The following OPRM1 variants were observed in gnomAD, a reference collection of about 807,000 sequenced individuals.
The protein encoded by OPRM1 is opioid receptor mu 1, also known as mu-type opioid receptor.
Under a neutral mutation model 31.8 loss-of-function variants are expected in OPRM1, and 27 were observed. The observed-to-expected ratio is 0.85, with a 90% CI of 0.63 to 1.17. OPRM1 has a LOEUF of 1.17. Among genes scored for constraint, OPRM1 ranks in the 50% most tolerant of loss-of-function variants. The probability of loss-of-function intolerance (pLI) is 0.00; values close to 1 mark genes in which losing one functional copy is unlikely to be tolerated. For synonymous variants in OPRM1, 196 were observed against 189.9 expected, an observed-to-expected ratio of 1.03 and a Z score of -0.26; for missense variants, 536 against 511.1, an observed-to-expected ratio of 1.05 and a Z score of -0.47.
intron 1 of OPRM1, among the ~76,000 whole-genome samples, chr6:154,077,406 C>G (rs1788090331): frequency 6.6e-6 from 1 of 151,546 alleles, no homozygotes; most frequent in Non-Finnish European, 1.5e-5. Context: ...GCATGAGCCA[C>G]TATGCCCAGC....
chr6:154,211,267 T>A (rs2128604701), intron 3 of OPRM1, among the ~76,000 whole-genome samples: 1 of 151,918 alleles, frequency 6.6e-6, no homozygotes, highest in South Asian at 2.1e-4. Flanking sequence ...ATACAAAAAA[T>A]TAGCCGGGCG....
chr6:154,036,715 A>T (rs150130314), upstream of OPRM1, among the ~76,000 whole-genome samples: 1 of 151,958 alleles, frequency 6.6e-6, no homozygotes, highest in Non-Finnish European at 1.5e-5. Flanking sequence ...TCATTAAAAA[A>T]ATCACCCAGA....
intron 1 of OPRM1, among the ~76,000 whole-genome samples, chr6:154,062,182 T>G (rs1305398066): frequency 6.6e-6 from 1 of 152,120 alleles, no homozygotes; most frequent in East Asian, 1.9e-4. Flanking sequence ...AAAAATATAA[T>G]TAATCATATG....
At chr6:154,238,036 A>G (rs926939658) in intron 3 of OPRM1, among the ~76,000 whole-genome samples, 1 of 152,222 alleles carries the variant, frequency 6.6e-6, no homozygotes, top group Non-Finnish European at 1.5e-5. Context: ...CAAATCAACT[A>G]TCATATATGC....
intron 3 of OPRM1, among the ~76,000 whole-genome samples, chr6:154,186,580 G>T (rs192334497): frequency 1.2e-3 from 187 of 151,026 alleles, no homozygotes; most frequent in African/African-American, 4.3e-3. Flanking sequence ...TTTTTGAGAC[G>T]GAGTCTCGCT....
At chr6:154,157,231 AT>A (rs1798753153) in intron 3 of OPRM1, 1 of 152,306 alleles carries the variant, frequency 6.6e-6, no homozygotes, top group Non-Finnish European at 1.5e-5. Flanking sequence ...ACTCCTGTCT[AT>A]CCCCCCACCC....
intron 1 of OPRM1, among the ~76,000 whole-genome samples, chr6:154,071,766 T>C (rs373030531): frequency 2.0e-4 from 31 of 152,338 alleles, no homozygotes; most frequent in African/African-American, 6.0e-4. Context: ...AGAGTTGTCA[T>C]TGAGCAGTGG....
chr6:154,086,684 TATG>T (rs1790658369), intron 1 of OPRM1: 1 of 985,136 alleles, frequency 1.0e-6, no homozygotes, highest in African/African-American at 1.7e-5. Flanking sequence ...AGGTTGGAAG[TATG>T]ATGAGTCAGA....
Position 154,131,841 on chromosome 6 carries a change from A to G in OPRM1, c.*13120A>G, listed in dbSNP as rs1463788244. Among the ~76,000 whole-genome samples, 3 of 152,060 alleles carry G rather than the reference A, an allele frequency of 2.0e-5. No homozygotes were observed. The highest frequency in any genetic ancestry group is 6.6e-5 in the Admixed American group (1 of 15,266). The stretch of plus-strand genomic sequence containing the variant: ...GTATTTCGCCTATAGAGACAAATAC[A>G]TATATTGTTTGTTGTGATAATGCAC... On this transcript the variant is annotated 3_prime_UTR_variant, in exon 4 of 4. Coordinates refer to ENST00000330432, the MANE Select transcript of OPRM1 (RefSeq NM_000914.5).
chr6:154,241,899 C>A (rs1435850337), intron 3 of OPRM1, among the ~76,000 whole-genome samples: 3 of 152,180 alleles, frequency 2.0e-5, no homozygotes, highest in African/African-American at 7.2e-5. Flanking sequence ...GGCCCTAAGT[C>A]ACCTCTAAAT....
intron 1 of OPRM1, among the ~76,000 whole-genome samples, chr6:154,048,479 T>G (rs1262162857): frequency 6.6e-6 from 1 of 152,206 alleles, no homozygotes. Flanking sequence ...CATTTTCTCA[T>G]GGCCTTATAA....
intron 3 of OPRM1, among the ~76,000 whole-genome samples, chr6:154,213,743 C>A (rs937418949): frequency 6.6e-6 from 1 of 152,098 alleles, no homozygotes; most frequent in Non-Finnish European, 1.5e-5. Flanking sequence ...CTGAAAGCTA[C>A]CGACTGAGCT....
rs906597493 is a variant in OPRM1 at position 154,246,068 on chromosome 6, A to G, written c.1165-625A>G. 1.4e-4 allele frequency among the ~76,000 whole-genome samples: 21 copies of G among 152,296 alleles called. 3 individuals are homozygous for G. Among genetic ancestry groups the G allele is most frequent in the Admixed American group, 3.9e-4 (6 of 15,298 alleles). On this transcript the variant is annotated intron_variant, in intron 3 of 3. Coordinates refer to the OPRM1 transcript ENST00000337049. ...TGACAGTCGCCAATGCAAAGCTGGCATAGGGGTTAGCGATTCCAAACCAAC... is the reference window on the plus strand; with the variant it reads ...TGACAGTCGCCAATGCAAAGCTGGCGTAGGGGTTAGCGATTCCAAACCAAC...
chr6:154,010,712 A>T lies in OPRM1; in HGVS notation c.-307A>T. The T allele has an allele frequency of 2.1e-6, 3 of 1,436,358 alleles. No individual in the cohort carries two copies. In the East Asian group the frequency reaches 7.6e-5, roughly 36 times the overall value. 89.0% of individuals were successfully genotyped at this position (1,436,358 alleles called of 1,614,324 possible). A position where few individuals can be genotyped will look rare whatever the true frequency, so the allele number is the denominator to read the frequency against. On this transcript the variant is annotated 5_prime_UTR_variant, in exon 1 of 6. Transcript: ENST00000434900. ...CCGGGTCAGACAGGCTTCTGGATTCAGTGTGTGGACATGACTTTGCCTGCA... is the reference window on the plus strand; with the variant it reads ...CCGGGTCAGACAGGCTTCTGGATTCTGTGTGTGGACATGACTTTGCCTGCA...
At chr6:154,148,631 C>G (rs1445483143) in intron 3 of OPRM1, among the ~76,000 whole-genome samples, 1 of 152,208 alleles carries the variant, frequency 6.6e-6, no homozygotes, top group Non-Finnish European at 1.5e-5. Context: ...AGATCATCAA[C>G]ATTGTGCCCA....
At chr6:154,049,027 A>G (rs897431731) in intron 1 of OPRM1, among the ~76,000 whole-genome samples, 2 of 152,220 alleles carry the variant, frequency 1.3e-5, no homozygotes, top group East Asian at 3.8e-4. Flanking sequence ...CTCTGATTAT[A>G]AAATTTTCAT....
chr6:154,093,401 A>G lies in OPRM1; in HGVS notation c.1164+1929A>G, dbSNP rs1051521687. ...TCCTTCACTCGTCCTGCCTTCGTGG[A>G]AATACTGCTCCCAGCCCGTCTGGTG... On this transcript the variant is annotated intron_variant, in intron 3 of 3. Coordinates refer to ENST00000330432, the MANE Select transcript of OPRM1 (RefSeq NM_000914.5). The G allele has an allele frequency of 2.5e-6, 4 of 1,614,020 alleles. No individual in the cohort carries two copies. In the African/African-American group the frequency reaches 4.0e-5, roughly 16 times the overall value.
chr6:154,099,282 C>G (rs1331640790), intron 3 of OPRM1, among the ~76,000 whole-genome samples: 1 of 101,426 alleles, frequency 9.9e-6, no homozygotes, highest in African/African-American at 3.8e-5. Context: ...GAGAGTCTGT[C>G]GAAAGGAAGG....
At chr6:154,185,110 TA>T (rs1801220573) in intron 3 of OPRM1, among the ~76,000 whole-genome samples, 1 of 152,156 alleles carries the variant, frequency 6.6e-6, no homozygotes, top group African/African-American at 2.4e-5. Context: ...CCATTGGTGA[TA>T]AAGAAACATA....
Sources: allele counts gnomAD v4.1 joint callset (sites outside exome capture counted in the v4.1 genomes callset), GRCh38; gene constraint gnomAD v4.1.1; transcripts MANE v1.5; gene names NCBI Gene and HGNC (gene_info 2026-07-23, HGNC 2026-07-21).